Variants in TTL observed in about 807,000 individuals in gnomAD.
TTL encodes the protein tubulin tyrosine ligase.
In TTL, 10 loss-of-function variants were observed where a neutral mutation model predicts 41.1. The ratio of observed to expected loss-of-function variants is 0.24; its 90% confidence interval spans 0.15 to 0.41. The LOEUF is 0.41. Ranked by LOEUF, TTL falls within the 10% of genes least tolerant of loss-of-function variation. The probability of loss-of-function intolerance (pLI) is 1.00; values close to 1 mark genes in which losing one functional copy is unlikely to be tolerated. For missense variants in TTL, 367 were observed against 460.4 expected (o/e 0.80, Z 1.86); for synonymous variants, 175 against 175.5 (o/e 1.00, Z 0.02).
At chr2:112,493,542 C>G (rs900817440) in intron 2 of TTL, among the ~76,000 whole-genome samples, 1 of 152,198 alleles carries the variant, frequency 6.6e-6, no homozygotes, top group African/African-American at 2.4e-5. Flanking sequence ...TGCTAAGTGC[C>G]TTGCCTGACT....
At chr2:112,495,767 A>T (rs1681507105) in intron 3 of TTL, among the ~76,000 whole-genome samples, 1 of 152,174 alleles carries the variant, frequency 6.6e-6, no homozygotes. Context: ...GAATGGCGTG[A>T]ACCCGGGAAG....
At chr2:112,506,931 C>T (rs1417576464) in intron 5 of TTL, among the ~76,000 whole-genome samples, 2 of 117,568 alleles carry the variant, frequency 1.7e-5, no homozygotes, top group Non-Finnish European at 3.5e-5. Context: ...TGGATCTTTC[C>T]TGCTTTCTCT....
In TTL at chr2:112,529,193, C is replaced by T. The variant is rs562033367; in HGVS notation, c.*398C>T. 2.7e-3 allele frequency: 849 copies of T among 308,802 alleles called. 3 individuals are homozygous for T. Among genetic ancestry groups the T allele is most frequent in the Non-Finnish European group, 4.2e-3 (678 of 163,210 alleles). 19.1% of individuals were successfully genotyped at this position (308,802 alleles called of 1,614,324 possible). ...CTGGACTATGGATTGGACGTCAGAGCATATTGGAGGTTGCCTGTGTGTTCC... is the reference window on the plus strand; with the variant it reads ...CTGGACTATGGATTGGACGTCAGAGTATATTGGAGGTTGCCTGTGTGTTCC... On this transcript the variant is annotated 3_prime_UTR_variant, in exon 7 of 7. Transcript: ENST00000233336.
chr2:112,513,262 G>A (rs768493311), intron 5 of TTL, among the ~76,000 whole-genome samples: 26 of 152,104 alleles, frequency 1.7e-4, no homozygotes, highest in Middle Eastern at 3.4e-3. Context: ...CTGTCTATAA[G>A]AAATCCACTT....
Position 112,482,594 on chromosome 2 carries a change from T to TCATA in TTL, c.157+97_157+100dup. 1 of 1,349,070 alleles carries TCATA rather than the reference T, an allele frequency of 7.4e-7. No individual in the cohort carries two copies. 83.6% of individuals were successfully genotyped at this position (1,349,070 alleles called of 1,614,324 possible). ...GAACCGGCGCTTTTGTTTTTAAAGGTCATACATTTTCTCCTCTGTCGCTTG... is the reference window on the plus strand; with the variant it reads ...GAACCGGCGCTTTTGTTTTTAAAGGTCATACATACATTTTCTCCTCTGTCGCTTG... On this transcript the variant is annotated intron_variant, in intron 1 of 6. Coordinates refer to ENST00000233336, the MANE Select transcript of TTL (RefSeq NM_153712.5). This position sits in a 1 kb window ranked among gnomAD's most constrained non-coding sequence, Gnocchi z 5.3.
chr2:112,496,376 T>C (rs55779254), intron 3 of TTL, among the ~76,000 whole-genome samples: 1 of 152,230 alleles, frequency 6.6e-6, no homozygotes, highest in African/African-American at 2.4e-5. Context: ...TTTATTCTTG[T>C]TAAACAAGTA....
intron 5 of TTL, among the ~76,000 whole-genome samples, chr2:112,519,380 A>G (rs1319514401): frequency 1.3e-5 from 2 of 152,160 alleles, no homozygotes; most frequent in African/African-American, 4.8e-5. Context: ...TCCAAAATAC[A>G]CTTTCAACTT....
At chr2:112,520,247 C>T in intron 5 of TTL, 35 bp from the exon 6 acceptor site, 1 of 1,610,578 alleles carries the variant, frequency 6.2e-7, no homozygotes, top group Non-Finnish European at 8.5e-7. Context: ...TTTGACCACC[C>T]CGTTCTAATG....
chr2:112,488,111 CT>C (rs1327232655), intron 2 of TTL, among the ~76,000 whole-genome samples: 9 of 152,196 alleles, frequency 5.9e-5, no homozygotes, highest in Admixed American at 1.3e-4. Context: ...GTCCTTCCCC[CT>C]GTCACTTCAG....
chr2:112,509,742 A>G (rs1681874472), intron 5 of TTL, among the ~76,000 whole-genome samples: 1 of 152,116 alleles, frequency 6.6e-6, no homozygotes, highest in Non-Finnish European at 1.5e-5. Flanking sequence ...TGAACCCGGT[A>G]AGGTACCTCA....
chr2:112,492,597 G>A (rs1412708282), intron 2 of TTL, among the ~76,000 whole-genome samples: 1 of 152,190 alleles, frequency 6.6e-6, no homozygotes, highest in Non-Finnish European at 1.5e-5. Flanking sequence ...TGGGCGTGGT[G>A]GTGGGCACCT....
rs1048202220 is a variant in TTL at position 112,482,917 on chromosome 2, G to A, written c.157+416G>A. On this transcript the variant is annotated intron_variant, in intron 1 of 6. Transcript: ENST00000233336. This position sits in a 1 kb window ranked among gnomAD's most constrained non-coding sequence, Gnocchi z 5.3. ...ATCTTTTGCAGCTCGTCTGCACTGAGGATTTCTCCCTGCTTGGCGTGGGCG... is the reference window on the plus strand; with the variant it reads ...ATCTTTTGCAGCTCGTCTGCACTGAAGATTTCTCCCTGCTTGGCGTGGGCG... 2.6e-5 allele frequency among the ~76,000 whole-genome samples: 4 copies of A among 152,214 alleles called. No homozygotes were observed. The highest frequency in any genetic ancestry group is 9.6e-5 in the African/African-American group (4 of 41,466).
At chr2:112,520,254 A>G (rs1682184540) in intron 5 of TTL, 28 bp from the exon 6 acceptor site, 1 of 1,612,468 alleles carries the variant, frequency 6.2e-7, no homozygotes, top group Non-Finnish European at 8.5e-7. Flanking sequence ...ACCCCGTTCT[A>G]ATGAGCATTT....
chr2:112,531,407 G>C lies in TTL; in HGVS notation c.*2612G>C, dbSNP rs971668333. Reference sequence around the variant, plus strand: ...CCTTAGTTTCTTAGCCCATGAAAGAGATCATTGCCTGACCCAGGGACTACC... The same window carrying C: ...CCTTAGTTTCTTAGCCCATGAAAGACATCATTGCCTGACCCAGGGACTACC... On this transcript the variant is annotated 3_prime_UTR_variant, in exon 7 of 7. Transcript: ENST00000233336. The C allele has an allele frequency of 3.1e-5, 7 of 229,022 alleles. No homozygotes were observed. The highest frequency in any genetic ancestry group is 6.1e-5 in the Non-Finnish European group (7 of 115,270). 14.2% of individuals were successfully genotyped at this position (229,022 alleles called of 1,614,324 possible). A position where few individuals can be genotyped will look rare whatever the true frequency, so the allele number is the denominator to read the frequency against.
intron 1 of TTL, among the ~76,000 whole-genome samples, chr2:112,485,449 G>A (rs571179342): frequency 2.0e-5 from 3 of 152,274 alleles, no homozygotes; most frequent in Admixed American, 6.5e-5. Flanking sequence ...AGCTTGCAGA[G>A]ATAGACTTGC....
At chr2:112,509,984 C>T (rs557284969) in intron 5 of TTL, among the ~76,000 whole-genome samples, 12 of 152,094 alleles carry the variant, frequency 7.9e-5, no homozygotes, top group Non-Finnish European at 1.3e-4. Flanking sequence ...AAACATTTAT[C>T]AATTTTATCA....
At chr2:112,484,707 C>G (rs969387343) in intron 1 of TTL, among the ~76,000 whole-genome samples, 3 of 152,086 alleles carry the variant, frequency 2.0e-5, no homozygotes, top group Admixed American at 6.6e-5. Context: ...GGTAAAGGCT[C>G]AGGAAGGCAG....
intron 6 of TTL, 50 bp from the exon 7 acceptor site, chr2:112,528,631 C>G: frequency 6.7e-7 from 1 of 1,487,418 alleles, no homozygotes; most frequent in Non-Finnish European, 9.3e-7. Flanking sequence ...ATTTTTTTTG[C>G]TTGTACTTTG....
At chr2:112,485,164 G>T (rs765018246) in intron 1 of TTL, among the ~76,000 whole-genome samples, 27 of 152,084 alleles carry the variant, frequency 1.8e-4, no homozygotes, top group Admixed American at 3.3e-4. Context: ...TGGCCAAGCT[G>T]GTCTTGAACT....
Sources: gnomAD v4.1 joint callset for allele counts (sites outside exome capture counted in the v4.1 genomes callset) on GRCh38, gnomAD v4.1.1 for gene constraint, Gnocchi (gnomAD v3.1) non-coding constraint, MANE v1.5 for transcripts, NCBI Gene and HGNC (gene_info 2026-07-23, HGNC 2026-07-21) for gene names.